The following ALG6 variants were observed in gnomAD, a reference collection of about 807,000 sequenced individuals.
The protein encoded by ALG6 is dolichyl pyrophosphate Man9GlcNAc2 alpha-1,3-glucosyltransferase.
Under a neutral mutation model 66.6 loss-of-function variants are expected in ALG6, and 46 were observed. The ratio of observed to expected loss-of-function variants is 0.69; its 90% CI spans 0.55 to 0.88. The LOEUF (loss-of-function observed/expected upper bound fraction) is 0.88. Ranked by LOEUF, ALG6 falls within the 40% of genes least tolerant of loss-of-function variation. The pLI, the probability that ALG6 is intolerant of heterozygous loss-of-function variation, is 0.00. For synonymous variants in ALG6, 185 were observed against 203.7 expected, an observed-to-expected ratio of 0.91 and a Z score of 0.78; for missense variants, 505 against 586.8, an observed-to-expected ratio of 0.86 and a Z score of 1.44.
At chr1:63,390,631 G>A (rs557230368) in intron 2 of ALG6, among the ~76,000 whole-genome samples, 8 of 152,300 alleles carry the variant, frequency 5.3e-5, no homozygotes, top group African/African-American at 1.9e-4. Flanking sequence ...ACCCCAGAGT[G>A]CTTTAGCCTA....
rs12065026 is a variant in ALG6, at chr1:63,433,005, C to T, written c.1327-3818C>T. On this transcript the variant is annotated intron_variant, in intron 14 of 14. Coordinates refer to ENST00000263440, the MANE Select transcript of ALG6 (RefSeq NM_013339.4). This position sits in a 1 kb window ranked among gnomAD's most constrained non-coding sequence, Gnocchi z 4.2. ...TTGCCCAGGCTGGAGTGCAATGGCACGAACTTGGCTCACTGCAACCTCAAC... is the reference window on the plus strand; with the variant it reads ...TTGCCCAGGCTGGAGTGCAATGGCATGAACTTGGCTCACTGCAACCTCAAC... Among the ~76,000 whole-genome samples the T allele has an allele frequency of 4.0e-4, 61 of 152,228 alleles. No individual in the cohort carries two copies. The highest frequency in any genetic ancestry group is 1.4e-3 in the African/African-American group (57 of 41,558).
At chr1:63,410,784 G>T (rs1236043443) in intron 7 of ALG6, among the ~76,000 whole-genome samples, 2 of 151,922 alleles carry the variant, frequency 1.3e-5, no homozygotes, top group Non-Finnish European at 2.9e-5. Context: ...TTAACTTGCT[G>T]TTGGAACATT....
chr1:63,371,109 G>A (rs753603902), intron 2 of ALG6, 50 bp downstream of exon 2: 6 of 1,311,144 alleles, frequency 4.6e-6, no homozygotes, highest in Non-Finnish European at 6.6e-6. Context: ...CCTTTGAATA[G>A]GTGTTTGTTT....
intron 2 of ALG6, among the ~76,000 whole-genome samples, chr1:63,395,567 C>T (rs1039481880): frequency 2.0e-5 from 3 of 152,262 alleles, no homozygotes; most frequent in East Asian, 1.9e-4. Flanking sequence ...TGGTGGCACA[C>T]GCCTATAATC....
chr1:63,394,062 G>T (rs537806376), intron 2 of ALG6, among the ~76,000 whole-genome samples: 2 of 152,304 alleles, frequency 1.3e-5, no homozygotes, highest in South Asian at 4.1e-4. Context: ...TCTTCTTAGA[G>T]ATTATAGCGT....
intron 12 of ALG6, among the ~76,000 whole-genome samples, chr1:63,424,774 A>ATT (rs146137714): frequency 0.011 from 1,218 of 113,958 alleles, 37 homozygotes; most frequent in African/African-American, 0.039. Flanking sequence ...TTTTGAGTTA[A>ATT]TTTTTTTTTT....
At chr1:63,421,288 C>T (rs1031640830) in intron 12 of ALG6, among the ~76,000 whole-genome samples, 7 of 152,104 alleles carry the variant, frequency 4.6e-5, no homozygotes, top group African/African-American at 1.7e-4. Flanking sequence ...AAGCGATTCT[C>T]CTGCCTCAGT....
rs1054608175 is a variant in ALG6, at chr1:63,411,207, G to A, written c.556G>A (p.Asp186Asn). 1.1e-5 allele frequency: 18 copies of A among 1,613,580 alleles called. No homozygotes were observed. Among genetic ancestry groups the A allele is most frequent in the Non-Finnish European group, 1.5e-5 (18 of 1,179,762 alleles). Residue 186 changes from aspartate (D) to asparagine (N), a missense_variant, in exon 8 of 15, where the codon GAC becomes AAC. By Grantham distance (23) the Asp-to-Asn change is conservative (BLOSUM62 1). Transcript: ENST00000263440. ...WGVLGISCDCDLLGSLAFCLA... is the reference protein window; with the variant it reads ...WGVLGISCDCNLLGSLAFCLA... ...TGTTCTTGGAATATCTTGTGACTGC[G>A]ACCTCCTAGGGTCACTGGCATTTTG...
chr1:63,408,813 C>T (rs1031139812), intron 7 of ALG6, among the ~76,000 whole-genome samples: 2 of 152,160 alleles, frequency 1.3e-5, no homozygotes, highest in Admixed American at 6.5e-5. Flanking sequence ...GAGTTTCGCT[C>T]TTGTCCGCCA....
In ALG6 at chr1:63,407,337, TTTGA is replaced by T. The variant is rs957298428; in HGVS notation, c.494+215_494+218del. Among the ~76,000 whole-genome samples, 14 of 152,260 alleles carry T rather than the reference TTTGA, an allele frequency of 9.2e-5. No homozygotes were observed. In the East Asian group the frequency reaches 1.3e-3, roughly 15 times the overall value. On this transcript the variant is annotated intron_variant, in intron 7 of 14. Coordinates refer to ENST00000263440, the MANE Select transcript of ALG6 (RefSeq NM_013339.4). ...AAAGTAGAATTGCTTTTTCATGTTG[TTTGA>T]TTGGGAACAAAATGTTGGTAAATGA... is the stretch of plus-strand genomic sequence containing the variant.
rs183861757 is a variant in ALG6, at chr1:63,370,759, T to C, written c.-207-12T>C. 1,079 of 565,884 alleles carry C rather than the reference T, an allele frequency of 1.9e-3. 1 individual carries two copies. The highest frequency in any genetic ancestry group is 3.8e-3 in the Admixed American group (126 of 32,930). The allele number at this position is 565,884 out of a possible 1,614,324, so 35.1% of individuals were successfully genotyped here. ...CTCAGCTGAATCTTGATATCTTTTT[T>C]TTTCCCCTTAGGATACTTCTACATA... On this transcript the variant is annotated splice_polypyrimidine_tract_variant and intron_variant, in intron 1 of 14. Coordinates refer to ENST00000263440, the MANE Select transcript of ALG6 (RefSeq NM_013339.4).
chr1:63,433,311 A>G lies in ALG6; in HGVS notation c.1327-3512A>G, dbSNP rs1644658276. ...TGCCCAAAGTACCCAGATAACAAAGAGAAAAGAATGACTAACTCTATTAGG... is the reference window on the plus strand; with the variant it reads ...TGCCCAAAGTACCCAGATAACAAAGGGAAAAGAATGACTAACTCTATTAGG... On this transcript the variant is annotated intron_variant, in intron 14 of 14. Transcript: ENST00000263440. The surrounding 1 kb of genome is among the most constrained non-coding windows in gnomAD (Gnocchi z 4.2). 2.6e-5 allele frequency among the ~76,000 whole-genome samples: 4 copies of G among 152,208 alleles called. No homozygotes were observed. The highest frequency in any genetic ancestry group is 9.6e-5 in the African/African-American group (4 of 41,452).
intron 12 of ALG6, 74 bp downstream of exon 12, chr1:63,419,514 T>C: frequency 9.2e-7 from 1 of 1,088,200 alleles, no homozygotes; most frequent in Non-Finnish European, 1.3e-6. Flanking sequence ...AAATATACAT[T>C]TGAATGCAAA....
chr1:63,423,785 G>A (rs1161511806), intron 12 of ALG6, among the ~76,000 whole-genome samples: 1 of 152,174 alleles, frequency 6.6e-6, no homozygotes, highest in East Asian at 1.9e-4. Flanking sequence ...GTTGTGAATA[G>A]TGCCACTGTG....
chr1:63,378,863 TG>T (rs1052060959), intron 2 of ALG6, among the ~76,000 whole-genome samples: 5 of 142,968 alleles, frequency 3.5e-5, no homozygotes, highest in African/African-American at 8.0e-5. Context: ...TTAATTTGTT[TG>T]TTTTTTTTTT....
chr1:63,371,728 C>G (rs1257337133), intron 2 of ALG6, among the ~76,000 whole-genome samples: 2 of 152,144 alleles, frequency 1.3e-5, no homozygotes, highest in Non-Finnish European at 2.9e-5. Context: ...CCTCAACCTT[C>G]CGAGTAGCTG....
At chr1:63,430,312 G>C (rs1237039819) in intron 14 of ALG6, among the ~76,000 whole-genome samples, 3 of 152,140 alleles carry the variant, frequency 2.0e-5, no homozygotes, top group African/African-American at 7.2e-5. Flanking sequence ...TGGACATGAA[G>C]TTGTTTCTAC....
intron 3 of ALG6, among the ~76,000 whole-genome samples, chr1:63,401,511 C>G (rs1644464901): frequency 6.6e-6 from 1 of 150,790 alleles, no homozygotes; most frequent in Non-Finnish European, 1.5e-5. Flanking sequence ...ACTAAAAATA[C>G]AAAAATTAGC....
chr1:63,385,458 A>C (rs1648475451), intron 2 of ALG6, among the ~76,000 whole-genome samples: 1 of 151,952 alleles, frequency 6.6e-6, no homozygotes, highest in African/African-American at 2.4e-5. Context: ...TGATCTGCCC[A>C]TCTCAGCCTC....
Sources: gnomAD v4.1 joint callset for allele counts (sites outside exome capture counted in the v4.1 genomes callset) on GRCh38, gnomAD v4.1.1 for gene constraint, Gnocchi (gnomAD v3.1) non-coding constraint, MANE v1.5 for transcripts, NCBI Gene and HGNC (gene_info 2026-07-23, HGNC 2026-07-21) for gene names.